The following RUNX2 variants were observed in gnomAD, a reference collection of about 807,000 sequenced individuals.
RUNX2 encodes RUNX family transcription factor 2.
In RUNX2, 10 loss-of-function variants were observed where a neutral mutation model predicts 51.7. That is an observed-to-expected ratio of 0.19 (90% CI 0.12 to 0.33). RUNX2 has a LOEUF of 0.33. Among genes scored for constraint, RUNX2 ranks in the 10% least tolerant of loss-of-function variants. RUNX2 has a pLI of 1.00. For synonymous variants in RUNX2, 276 were observed against 273.6 expected, an observed-to-expected ratio of 1.01 and a Z score of -0.09; for missense variants, 562 against 691.3, an observed-to-expected ratio of 0.81 and a Z score of 2.10.
At position 45,365,275 on chromosome 6, in the gene RUNX2, C is replaced by T. The variant is rs770732481; in HGVS notation, c.58+36491C>T. The T allele has an allele frequency of 4.3e-6, 7 of 1,611,052 alleles. No homozygotes were observed. In the South Asian group the frequency reaches 4.4e-5, roughly 10 times the overall value. ...TTCCACTACTTGAAGTTGCAGTAGA[C>T]ATTGGACTAGCTGCCGTATTATTCA... On this transcript the variant is annotated intron_variant, in intron 2 of 8. Coordinates refer to ENST00000647337, the MANE Select transcript of RUNX2 (RefSeq NM_001024630.4).
In RUNX2 at chr6:45,550,352, A is replaced by C. The variant is rs182124295; in HGVS notation, c.*3047A>C. ...TCTTTAGACGGTCTCACTGCCTCTC[A>C]CTTGCCAGAGCCCTTTCAAAATGAG... On this transcript the variant is annotated 3_prime_UTR_variant, in exon 9 of 9. Coordinates refer to ENST00000647337, the MANE Select transcript of RUNX2 (RefSeq NM_001024630.4). 44 of 152,300 alleles carry C rather than the reference A, an allele frequency of 2.9e-4. No homozygotes were observed. The highest frequency in any genetic ancestry group is 1.0e-3 in the South Asian group (5 of 4,826). 9.4% of individuals were successfully genotyped at this position (152,300 alleles called of 1,614,324 possible).
intron 7 of RUNX2, among the ~76,000 whole-genome samples, chr6:45,526,833 A>G (rs2150435143): frequency 6.6e-6 from 1 of 152,310 alleles, no homozygotes; most frequent in Non-Finnish European, 1.5e-5. Context: ...CAATTTCCGC[A>G]TCAGTTAAAT....
intron 2 of RUNX2, among the ~76,000 whole-genome samples, chr6:45,387,265 A>G (rs550106874): frequency 2.6e-5 from 4 of 152,352 alleles, no homozygotes; most frequent in South Asian, 4.1e-4. Flanking sequence ...ACAAAATCTC[A>G]GTGGCTATGA....
chr6:45,507,217 C>A (rs1800996501), intron 6 of RUNX2, among the ~76,000 whole-genome samples: 1 of 152,130 alleles, frequency 6.6e-6, no homozygotes, highest in Admixed American at 6.5e-5. Flanking sequence ...CTGGGTGAGG[C>A]AGGGTGACGG....
chr6:45,432,444 C>G (rs1414107978), intron 4 of RUNX2, among the ~76,000 whole-genome samples: 1 of 152,130 alleles, frequency 6.6e-6, no homozygotes, highest in Non-Finnish European at 1.5e-5. Context: ...ATGCTCTTCA[C>G]TTATCACAGG....
At chr6:45,543,095 A>G (rs140976467) in intron 7 of RUNX2, among the ~76,000 whole-genome samples, 3 of 152,352 alleles carry the variant, frequency 2.0e-5, no homozygotes, top group Non-Finnish European at 4.4e-5. Context: ...AAAAATTCAC[A>G]TAAATGTTGC....
intron 2 of RUNX2, among the ~76,000 whole-genome samples, chr6:45,332,177 T>C (rs1787646746): frequency 6.6e-6 from 1 of 151,932 alleles, no homozygotes; most frequent in Non-Finnish European, 1.5e-5. Context: ...GTACTGAGGC[T>C]GAGTTAAGAC....
intron 2 of RUNX2, among the ~76,000 whole-genome samples, chr6:45,387,083 G>C (rs1378256440): frequency 3.3e-5 from 5 of 152,160 alleles, no homozygotes; most frequent in Admixed American, 2.0e-4. Context: ...TGCTAAAGAA[G>C]TAGAATTTTA....
chr6:45,467,258 T>C (rs942109461), intron 5 of RUNX2, among the ~76,000 whole-genome samples: 1 of 152,192 alleles, frequency 6.6e-6, no homozygotes, highest in Non-Finnish European at 1.5e-5. Context: ...CTTTCTCTTT[T>C]GCTTTATCTT....
chr6:45,512,938 G>A (rs1470789411), intron 7 of RUNX2, among the ~76,000 whole-genome samples: 1 of 152,098 alleles, frequency 6.6e-6, no homozygotes, highest in African/African-American at 2.4e-5. Flanking sequence ...AAGACAATGC[G>A]TGGCCTCTGA....
At chr6:45,469,343 AAAAAG>A (rs1323588740) in intron 5 of RUNX2, among the ~76,000 whole-genome samples, 1 of 152,262 alleles carries the variant, frequency 6.6e-6, no homozygotes, top group East Asian at 1.9e-4. Flanking sequence ...TTTGTAAAGA[AAAAAG>A]AAAAGGTTGG....
intron 6 of RUNX2, among the ~76,000 whole-genome samples, chr6:45,504,897 G>A (rs1800914005): frequency 6.6e-6 from 1 of 152,204 alleles, no homozygotes; most frequent in Admixed American, 6.5e-5. Context: ...GGGGGAAAAT[G>A]GGTGGAGAAT....
At chr6:45,405,514 C>T (rs570523375) in intron 2 of RUNX2, among the ~76,000 whole-genome samples, 9 of 152,276 alleles carry the variant, frequency 5.9e-5, no homozygotes, top group Non-Finnish European at 1.3e-4. Flanking sequence ...GTAGGCTGGG[C>T]GCAGTGGCTT....
intron 7 of RUNX2, among the ~76,000 whole-genome samples, chr6:45,543,788 A>T (rs1802305818): frequency 6.6e-6 from 1 of 152,068 alleles, no homozygotes; most frequent in African/African-American, 2.4e-5. Context: ...TACAAAACAG[A>T]CATTGGAAGC....
intron 5 of RUNX2, among the ~76,000 whole-genome samples, chr6:45,486,782 A>G (rs1177219359): frequency 1.3e-5 from 2 of 152,172 alleles, no homozygotes; most frequent in Non-Finnish European, 2.9e-5. Flanking sequence ...AGCTCTCCGA[A>G]GTTGTTAAAT....
chr6:45,499,437 AG>A (rs1385423509), intron 6 of RUNX2, among the ~76,000 whole-genome samples: 1 of 152,178 alleles, frequency 6.6e-6, no homozygotes, highest in East Asian at 1.9e-4. Context: ...AGTAGACTTT[AG>A]GTGCAGCCTG....
intron 5 of RUNX2, among the ~76,000 whole-genome samples, chr6:45,461,202 A>G (rs1799467257): frequency 6.6e-6 from 1 of 152,208 alleles, no homozygotes; most frequent in African/African-American, 2.4e-5. Flanking sequence ...TATTCAGAAA[A>G]GTCTCAGTTA....
At chr6:45,401,252 C>T (rs564175541) in intron 2 of RUNX2, among the ~76,000 whole-genome samples, 3 of 152,322 alleles carry the variant, frequency 2.0e-5, no homozygotes, top group East Asian at 1.9e-4. Flanking sequence ...CTACTAACCA[C>T]AATCTCATTG....
intron 2 of RUNX2, among the ~76,000 whole-genome samples, chr6:45,329,226 C>G (rs1181813747): frequency 6.6e-6 from 1 of 151,940 alleles, no homozygotes; most frequent in African/African-American, 2.4e-5. Context: ...ACAGAATTAT[C>G]TCAACATTAT....
Sources: gnomAD v4.1 joint callset for allele counts (sites outside exome capture counted in the v4.1 genomes callset) on GRCh38, gnomAD v4.1.1 for gene constraint, MANE v1.5 for transcripts, NCBI Gene and HGNC (gene_info 2026-07-23, HGNC 2026-07-21) for gene names.